The following KAT7 variants were observed in gnomAD, a reference collection of about 807,000 sequenced individuals.
KAT7 encodes the protein lysine acetyltransferase 7, also known as histone acetyltransferase KAT7.
KAT7 carries 10 observed loss-of-function variants against 82.1 expected under a neutral mutation model. The ratio of observed to expected loss-of-function variants is 0.12; its 90% CI spans 0.08 to 0.21. The LOEUF is 0.21. Among genes scored for constraint, KAT7 ranks in the 10% least tolerant of loss-of-function variants. KAT7 has a pLI of 1.00. For synonymous variants in KAT7, 250 were observed against 262.5 expected (o/e 0.95, Z 0.46); for missense variants, 378 against 760.9 (o/e 0.50, Z 5.92).
chr17:49,790,623 C>T (rs1289760136), intron 1 of KAT7, among the ~76,000 whole-genome samples: 1 of 152,126 alleles, frequency 6.6e-6, no homozygotes, highest in Non-Finnish European at 1.5e-5. Flanking sequence ...TTTTTAGTAA[C>T]CTGTTTGGCG....
At chr17:49,806,417 C>T (rs747390745) in intron 5 of KAT7, among the ~76,000 whole-genome samples, 13 of 152,200 alleles carry the variant, frequency 8.5e-5, no homozygotes, top group Non-Finnish European at 1.6e-4. Context: ...TATTTTTCTT[C>T]ATTCCAAATC....
Position 49,815,072 on chromosome 17 carries a change from A to C in KAT7, c.853-731A>C, listed in dbSNP as rs975085573. 7 of 152,212 alleles carry C rather than the reference A, an allele frequency of 4.6e-5. No individual in the cohort carries two copies. The South Asian group carries it at 6.2e-4, about 14-fold the overall frequency. The allele number at this position is 152,212 out of a possible 1,614,324, so 9.4% of individuals were successfully genotyped here. ...GGAAAGGATTCTTGTAGTGACTGCCATGGTAAGATTAGGGAATTATTTAAG... is the reference window on the plus strand; with the variant it reads ...GGAAAGGATTCTTGTAGTGACTGCCCTGGTAAGATTAGGGAATTATTTAAG... On this transcript the variant is annotated intron_variant, in intron 7 of 14. Transcript: ENST00000259021.
At chr17:49,801,552 C>T (rs7502494) in intron 4 of KAT7, among the ~76,000 whole-genome samples, 75,246 of 151,912 alleles carry the variant, frequency 0.5, 21,748 homozygotes, top group Middle Eastern at 0.75. Flanking sequence ...TGCAGTGGTG[C>T]AATCTCAGCT....
chr17:49,804,399 T>C (rs1276728165), intron 4 of KAT7, among the ~76,000 whole-genome samples: 2 of 149,628 alleles, frequency 1.3e-5, no homozygotes, highest in Non-Finnish European at 3.0e-5. Context: ...AAAAGAAAAA[T>C]ACATGAATGA....
chr17:49,826,485 G>T, intron 13 of KAT7: 1 of 535,742 alleles, frequency 1.9e-6, no homozygotes, highest in Non-Finnish European at 3.3e-6. Context: ...TTTCTAAGGG[G>T]CCAAGAGTAG....
chr17:49,814,372 C>T (rs911563193), intron 7 of KAT7, among the ~76,000 whole-genome samples: 3 of 152,276 alleles, frequency 2.0e-5, no homozygotes, highest in African/African-American at 7.2e-5. Context: ...TGTTTGCTTG[C>T]CCCAGTCTTG....
chr17:49,804,828 C>A (rs1322150636), intron 4 of KAT7, among the ~76,000 whole-genome samples: 1 of 152,020 alleles, frequency 6.6e-6, no homozygotes, highest in Admixed American at 6.6e-5. Context: ...CTCAGTTCTC[C>A]CTCCAAAAAA....
At chr17:49,806,642 G>T (rs2143905563) in intron 5 of KAT7, among the ~76,000 whole-genome samples, 1 of 152,254 alleles carries the variant, frequency 6.6e-6, no homozygotes, top group South Asian at 2.1e-4. Flanking sequence ...TAAATACAAT[G>T]ATCTGATACT....
At position 49,805,415 on chromosome 17, in the gene KAT7, G is replaced by C. The variant is rs751355051; in HGVS notation, c.633G>C (p.Leu211=). 7.4e-6 allele frequency: 12 copies of C among 1,613,046 alleles called. No homozygotes were observed. The East Asian group carries it at 2.7e-4, about 36-fold the overall frequency. Residue 211 remains leucine (L), a synonymous_variant, in exon 5 of 15, where the codon CTG becomes CTC. Transcript: ENST00000259021. ...ATTTCTCCATCTCAGGATGCCCACT[G>C]TATCATAACCTCTCAGCTGACGAAT... The part of the protein sequence containing the change: ...ERHFSISGCP[L]YHNLSADECK...
chr17:49,817,241 A>G (rs887039829), intron 8 of KAT7, among the ~76,000 whole-genome samples: 2 of 152,154 alleles, frequency 1.3e-5, no homozygotes, highest in African/African-American at 4.8e-5. Flanking sequence ...AGGCTGATAA[A>G]AATGAAGTTT....
chr17:49,816,815 AT>A (rs938944171), intron 8 of KAT7, among the ~76,000 whole-genome samples: 16 of 146,980 alleles, frequency 1.1e-4, no homozygotes, highest in South Asian at 4.3e-4. Flanking sequence ...GGATATCCGA[AT>A]TTTTTTTTTT....
At position 49,823,154 on chromosome 17, in the gene KAT7, T is replaced by C. The variant is rs760096514; in HGVS notation, c.1387-48T>C. ...GCATCTGTGGAAGTGCTGAAACCTT[T>C]GGTTTCAAATCCTCATGACGTGTTC... On this transcript the variant is annotated intron_variant, in intron 11 of 14. Coordinates refer to ENST00000259021, the MANE Select transcript of KAT7 (RefSeq NM_007067.5). The C allele has an allele frequency of 2.8e-6, 3 of 1,058,736 alleles. No homozygotes were observed. In the Admixed American group the frequency reaches 5.2e-5, roughly 18 times the overall value. 65.6% of individuals were successfully genotyped at this position (1,058,736 alleles called of 1,614,324 possible). A position where few individuals can be genotyped will look rare whatever the true frequency, so the allele number is the denominator to read the frequency against.
intron 7 of KAT7, among the ~76,000 whole-genome samples, chr17:49,814,712 A>G (rs1458789570): frequency 6.6e-6 from 1 of 152,048 alleles, no homozygotes; most frequent in Non-Finnish European, 1.5e-5. Context: ...ACTTTTTTCA[A>G]GCTTTTTTTT....
chr17:49,791,168 T>A (rs1212998091), intron 1 of KAT7, among the ~76,000 whole-genome samples: 1 of 152,188 alleles, frequency 6.6e-6, no homozygotes, highest in East Asian at 1.9e-4. Context: ...GGGATTAGAG[T>A]TGTGGTCCAT....
At chr17:49,820,139 A>G (rs1473928557) in intron 9 of KAT7, among the ~76,000 whole-genome samples, 3 of 152,218 alleles carry the variant, frequency 2.0e-5, no homozygotes, top group Non-Finnish European at 4.4e-5. Context: ...CCATGCGCCT[A>G]TAATCTTAGC....
intron 5 of KAT7, among the ~76,000 whole-genome samples, chr17:49,807,903 T>C (rs565331485): frequency 1.3e-5 from 2 of 152,056 alleles, no homozygotes; most frequent in Admixed American, 6.5e-5. Flanking sequence ...TGCCATTTAT[T>C]AATACTGGGA....
intron 7 of KAT7, among the ~76,000 whole-genome samples, chr17:49,813,774 G>A (rs1567859055): frequency 6.6e-6 from 1 of 152,076 alleles, no homozygotes; most frequent in African/African-American, 2.4e-5. Flanking sequence ...ATTTACATAC[G>A]AGACTTGAGC....
intron 9 of KAT7, among the ~76,000 whole-genome samples, chr17:49,819,526 C>T (rs954102143): frequency 2.0e-5 from 3 of 151,966 alleles, no homozygotes; most frequent in Admixed American, 2.0e-4. Context: ...TTGAGTGACA[C>T]AAACCAATGA....
chr17:49,810,174 A>G (rs1211273468), intron 6 of KAT7, among the ~76,000 whole-genome samples: 2 of 152,230 alleles, frequency 1.3e-5, no homozygotes, highest in Admixed American at 1.3e-4. Context: ...TAAAGTACCT[A>G]TACCCAGTGC....
Sources: allele counts gnomAD v4.1 joint callset (sites outside exome capture counted in the v4.1 genomes callset), GRCh38; gene constraint gnomAD v4.1.1; transcripts MANE v1.5; gene names NCBI Gene and HGNC (gene_info 2026-07-23, HGNC 2026-07-21).